TRAK1: variants seen among roughly 807,000 people sequenced by gnomAD.
The protein encoded by TRAK1 is trafficking kinesin protein 1, also known as trafficking kinesin-binding protein 1.
A neutral mutation model predicts 92.1 loss-of-function variants in TRAK1; 33 were observed. The ratio of observed to expected loss-of-function variants is 0.36; its 90% CI spans 0.27 to 0.48. TRAK1 has a LOEUF of 0.48. TRAK1 is among the 20% of genes least tolerant of loss of function. The probability of loss-of-function intolerance (pLI) is 0.99; values close to 1 mark genes in which losing one functional copy is unlikely to be tolerated. For synonymous variants in TRAK1, 521 were observed against 517.3 expected (o/e 1.01, Z -0.10); for missense variants, 1,123 against 1,257.9 (o/e 0.89, Z 1.62).
At chr3:42,122,292 C>T (rs547740213) in intron 1 of TRAK1, among the ~76,000 whole-genome samples, 1 of 151,890 alleles carries the variant, frequency 6.6e-6, no homozygotes, top group Admixed American at 6.6e-5. Context: ...TTTTGGGCAA[C>T]TGGAAGCATG....
intron 4 of TRAK1, among the ~76,000 whole-genome samples, chr3:42,187,800 C>G (rs995971939): frequency 1.3e-5 from 2 of 152,136 alleles, no homozygotes; most frequent in African/African-American, 4.8e-5. Flanking sequence ...CTCTGCTCCT[C>G]CCTGTACCAA....
At chr3:42,061,439 A>G (rs1260387894) in intron 1 of TRAK1, among the ~76,000 whole-genome samples, 1 of 151,262 alleles carries the variant, frequency 6.6e-6, no homozygotes, top group Non-Finnish European at 1.5e-5. Context: ...CACCTCCTGG[A>G]TACAGAGTGG....
At chr3:42,173,629 C>T (rs917782860) in intron 2 of TRAK1, among the ~76,000 whole-genome samples, 1 of 152,186 alleles carries the variant, frequency 6.6e-6, no homozygotes, top group Non-Finnish European at 1.5e-5. Flanking sequence ...GTGCCTTGCT[C>T]TCGTGTCCTT....
chr3:42,176,696 C>A, intron 2 of TRAK1, 118 bp from the exon 3 acceptor site: 1 of 867,484 alleles, frequency 1.2e-6, no homozygotes, highest in African/African-American at 1.7e-5. Flanking sequence ...ACCCAGCGAG[C>A]CAGTGACCCT....
intron 2 of TRAK1, among the ~76,000 whole-genome samples, chr3:42,153,942 TCTC>T (rs1311668915): frequency 1.3e-5 from 2 of 152,130 alleles, no homozygotes; most frequent in Non-Finnish European, 2.9e-5. Flanking sequence ...CACACAGCAC[TCTC>T]CTCTGTGGTT....
At chr3:42,193,344 G>T in intron 8 of TRAK1, 139 bp downstream of exon 8, 1 of 1,220,148 alleles carries the variant, frequency 8.2e-7, no homozygotes, top group Non-Finnish European at 1.1e-6. Flanking sequence ...AAGCTTAGTG[G>T]ACTCAGTAGT....
At chr3:42,113,106 G>T (rs201330089) in intron 1 of TRAK1, among the ~76,000 whole-genome samples, 1 of 66 alleles carries the variant, frequency 0.015, no homozygotes, top group African/African-American at 0.042. Flanking sequence ...ATAGGCCAGG[G>T]CGCTGTGCTT....
intron 1 of TRAK1, among the ~76,000 whole-genome samples, chr3:42,049,748 C>T (rs1702907157): frequency 6.6e-6 from 1 of 152,114 alleles, no homozygotes; most frequent in African/African-American, 2.4e-5. Flanking sequence ...TTCTTTGTAG[C>T]TTTCAAAAGC....
intron 1 of TRAK1, among the ~76,000 whole-genome samples, chr3:42,096,759 C>A (rs1705986372): frequency 6.6e-6 from 1 of 152,216 alleles, no homozygotes; most frequent in Non-Finnish European, 1.5e-5. Flanking sequence ...GCTGGCTACT[C>A]AAGGGTCCAA....
At chr3:42,089,215 C>A (rs1281707423), upstream of TRAK1, among the ~76,000 whole-genome samples, 7 of 152,168 alleles carry the variant, frequency 4.6e-5, no homozygotes, top group African/African-American at 1.7e-4. Context: ...GATTCATACC[C>A]CAGTTTGTCA....
At chr3:42,121,229 T>A (rs1021881270) in intron 1 of TRAK1, among the ~76,000 whole-genome samples, 11 of 152,136 alleles carry the variant, frequency 7.2e-5, no homozygotes, top group African/African-American at 2.4e-4. Context: ...GGCTTGATGT[T>A]TGGCATGGTG....
At chr3:42,016,408 TTG>T (rs1701528952) in intron 1 of TRAK1, among the ~76,000 whole-genome samples, 1 of 152,208 alleles carries the variant, frequency 6.6e-6, no homozygotes, top group Admixed American at 6.5e-5. Context: ...TTTCACCACT[TTG>T]GCCAGGCTGG....
At chr3:42,073,056 G>A (rs966908455) in intron 1 of TRAK1, among the ~76,000 whole-genome samples, 4 of 152,166 alleles carry the variant, frequency 2.6e-5, no homozygotes, top group Non-Finnish European at 5.9e-5. Flanking sequence ...GGACAGACAC[G>A]CATGACAGCA....
chr3:42,159,004 T>TAATAATAATAATA (rs1700915799), intron 2 of TRAK1, among the ~76,000 whole-genome samples: 1 of 140,170 alleles, frequency 7.1e-6, no homozygotes, highest in African/African-American at 2.7e-5. Context: ...TAATAATAAT[T>TAATAATAATAATA]AGAGGATGCA....
intron 13 of TRAK1, among the ~76,000 whole-genome samples, chr3:42,205,670 G>T (rs1264254090): frequency 1.3e-5 from 2 of 152,164 alleles, no homozygotes; most frequent in African/African-American, 2.4e-5. Flanking sequence ...TGTAAATAAG[G>T]GAAAGGATAC....
chr3:42,160,118 C>A, intron 2 of TRAK1: 1 of 1,199,068 alleles, frequency 8.3e-7, no homozygotes, highest in African/African-American at 1.6e-5. Context: ...CTCCACCCCA[C>A]CCCGCCCCTC....
chr3:42,020,556 G>A (rs1013469498), intron 1 of TRAK1, among the ~76,000 whole-genome samples: 19 of 152,130 alleles, frequency 1.2e-4, no homozygotes, highest in Admixed American at 2.6e-4. Context: ...ACCTGTGGAT[G>A]GACATTTGTT....
intron 1 of TRAK1, among the ~76,000 whole-genome samples, chr3:42,104,135 T>C (rs566849631): frequency 5.3e-5 from 8 of 152,120 alleles, no homozygotes; most frequent in Non-Finnish European, 1.2e-4. Context: ...GCGTCCACCA[T>C]TGCTGAAGCT....
intron 14 of TRAK1, chr3:42,211,172 A>G (rs931166746): frequency 1.0e-6 from 1 of 985,146 alleles, no homozygotes. Context: ...TGTGAAGGCC[A>G]CAACACTCCC....
Sources: gnomAD v4.1 joint callset for allele counts (sites outside exome capture counted in the v4.1 genomes callset) on GRCh38, gnomAD v4.1.1 for gene constraint, MANE v1.5 for transcripts, NCBI Gene and HGNC (gene_info 2026-07-23, HGNC 2026-07-21) for gene names.